CCAR1: variants seen among roughly 807,000 people sequenced by gnomAD.
The protein encoded by CCAR1 is cell division cycle and apoptosis regulator protein 1.
CCAR1 carries 78 observed loss-of-function variants against 163.8 expected under a neutral mutation model. The observed-to-expected ratio is 0.48, with a 90% CI of 0.40 to 0.57. The LOEUF is 0.57. CCAR1 is among the 20% of genes least tolerant of loss of function. The probability of loss-of-function intolerance (pLI) is 0.00; values close to 1 mark genes in which losing one functional copy is unlikely to be tolerated. For missense variants in CCAR1, 1,019 were observed against 1,365.2 expected, an observed-to-expected ratio of 0.75 and a Z score of 4.00; for synonymous variants, 443 against 460.7, an observed-to-expected ratio of 0.96 and a Z score of 0.49.
At chr10:68,738,845 G>A (rs1250849000) in intron 4 of CCAR1, among the ~76,000 whole-genome samples, 1 of 152,106 alleles carries the variant, frequency 6.6e-6, no homozygotes, top group Non-Finnish European at 1.5e-5. Context: ...TCAGGAGTTT[G>A]ATACCAACTT....
At chr10:68,731,591 G>GTTTTTTTTTTTTTTTTTTTTTTTTTTTT (rs67032408) in intron 2 of CCAR1, among the ~76,000 whole-genome samples, 1 of 75,624 alleles carries the variant, frequency 1.3e-5, no homozygotes. Context: ...TCTTGTTTCT[G>GTTTTTTTTTTTTTTTTTTTTTTTTTTTT]TTTTTTTTTT....
chr10:68,782,932 A>G (rs1258161919), intron 19 of CCAR1, among the ~76,000 whole-genome samples: 1 of 151,706 alleles, frequency 6.6e-6, no homozygotes, highest in Non-Finnish European at 1.5e-5. Flanking sequence ...ATGTACAAGG[A>G]GATTAATGTT....
At chr10:68,740,603 G>A (rs1353164910) in intron 4 of CCAR1, 26 bp from the exon 5 acceptor site, 5 of 1,602,166 alleles carry the variant, frequency 3.1e-6, no homozygotes, top group Non-Finnish European at 4.3e-6. Flanking sequence ...ACCCTTTTCT[G>A]TGTGTGTTTA....
intron 4 of CCAR1, among the ~76,000 whole-genome samples, chr10:68,738,672 C>T (rs905083110): frequency 1.3e-5 from 2 of 151,716 alleles, no homozygotes; most frequent in African/African-American, 4.8e-5. Context: ...TTATTTCTTT[C>T]AAGGAGTAGG....
At chr10:68,752,917 T>TAGAG (rs1215409740) in intron 10 of CCAR1, among the ~76,000 whole-genome samples, 1 of 151,796 alleles carries the variant, frequency 6.6e-6, no homozygotes, top group Non-Finnish European at 1.5e-5. Flanking sequence ...GATAGATAGA[T>TAGAG]AGATAGATAG....
At chr10:68,721,660 C>G (rs1346322581) in intron 1 of CCAR1, 1 of 423,460 alleles carries the variant, frequency 2.4e-6, no homozygotes, top group Non-Finnish European at 4.8e-6. Context: ...TAGAGGCTTT[C>G]TCCGTGCGTG....
At chr10:68,735,681 C>A (rs1589156504) in intron 2 of CCAR1, 2 of 152,182 alleles carry the variant, frequency 1.3e-5, no homozygotes, top group African/African-American at 2.4e-5. Context: ...GTTGGAATTA[C>A]AGACATGAGC....
intron 19 of CCAR1, among the ~76,000 whole-genome samples, chr10:68,777,725 A>G (rs2056685593): frequency 6.6e-6 from 1 of 150,786 alleles, no homozygotes; most frequent in African/African-American, 2.4e-5. Context: ...TGAGCTCAGG[A>G]GTTCAAGACC....
chr10:68,779,855 T>C (rs926596994), intron 19 of CCAR1, among the ~76,000 whole-genome samples: 3 of 152,210 alleles, frequency 2.0e-5, no homozygotes, highest in Non-Finnish European at 2.9e-5. Context: ...TGTGCACCCA[T>C]TGAAGAAAAC....
intron 17 of CCAR1, among the ~76,000 whole-genome samples, chr10:68,768,509 G>A (rs1015450698): frequency 6.6e-6 from 1 of 152,162 alleles, no homozygotes; most frequent in Non-Finnish European, 1.5e-5. Context: ...TACTCAGGAC[G>A]CTGAGGCAGG....
In CCAR1 at chr10:68,734,670, C is replaced by T. The variant is rs576657107; in HGVS notation, c.74-2206C>T. ...TCAACTGAATTACTTAACGCAGTTACGTAAAGCGTAAATGCATTTAATTCC... is the reference window on the plus strand; with the variant it reads ...TCAACTGAATTACTTAACGCAGTTATGTAAAGCGTAAATGCATTTAATTCC... On this transcript the variant is annotated intron_variant, in intron 2 of 24. Transcript: ENST00000265872. Among the ~76,000 whole-genome samples, 19 of 152,152 alleles carry T rather than the reference C, an allele frequency of 1.2e-4. No homozygotes were observed. The South Asian group carries it at 2.3e-3, about 18-fold the overall frequency.
Position 68,722,474 on chromosome 10 carries a change from A to C in CCAR1, c.-31A>C. ...TGATAGATCGATGCTATAGAAGACAAACAAGGGAAGGTTTTTTTTCCTTTT... is the reference window on the plus strand; with the variant it reads ...TGATAGATCGATGCTATAGAAGACACACAAGGGAAGGTTTTTTTTCCTTTT... On this transcript the variant is annotated 5_prime_UTR_variant, in exon 2 of 25. Coordinates refer to ENST00000265872, the MANE Select transcript of CCAR1 (RefSeq NM_018237.4). 6.3e-7 allele frequency: 1 copy of C among 1,587,984 alleles called. No homozygotes were observed. Among genetic ancestry groups the C allele is most frequent in the African/African-American group, 1.3e-5 (1 of 74,588 alleles).
intron 19 of CCAR1, among the ~76,000 whole-genome samples, chr10:68,773,509 A>G (rs529479904): frequency 2.3e-4 from 35 of 152,170 alleles, no homozygotes; most frequent in African/African-American, 8.4e-4. Context: ...CTAAAAATAC[A>G]AAAATTAGCC....
intron 19 of CCAR1, among the ~76,000 whole-genome samples, chr10:68,774,049 C>T (rs2056633824): frequency 6.6e-6 from 1 of 152,002 alleles, no homozygotes; most frequent in South Asian, 2.1e-4. Flanking sequence ...TGCACCACCA[C>T]ACCCGGCTAA....
At chr10:68,739,693 T>TA (rs1253804337) in intron 4 of CCAR1, among the ~76,000 whole-genome samples, 8 of 152,318 alleles carry the variant, frequency 5.3e-5, no homozygotes, top group African/African-American at 1.9e-4. Flanking sequence ...TCTTATGAAA[T>TA]ACATTTTTAA....
chr10:68,782,586 G>C (rs1440481638), intron 19 of CCAR1, among the ~76,000 whole-genome samples: 5 of 152,212 alleles, frequency 3.3e-5, no homozygotes, highest in African/African-American at 1.2e-4. Flanking sequence ...AGCATTCAGT[G>C]CCTGGCTTCA....
chr10:68,755,585 T>C (rs1435668431), intron 13 of CCAR1, 49 bp downstream of exon 13: 6 of 1,511,272 alleles, frequency 4.0e-6, no homozygotes, highest in African/African-American at 2.7e-5. Flanking sequence ...TGATAGTTTA[T>C]GTAGTTGTTC....
At chr10:68,773,143 ATTT>A in intron 19 of CCAR1, 44 bp downstream of exon 19, 1 of 1,047,048 alleles carries the variant, frequency 9.6e-7, no homozygotes, top group Non-Finnish European at 1.4e-6. Context: ...TTAAGAATAC[ATTT>A]TTTGTTTGCT....
chr10:68,790,661 T>A (rs1356351476), intron 24 of CCAR1, among the ~76,000 whole-genome samples: 2 of 152,164 alleles, frequency 1.3e-5, no homozygotes, highest in Non-Finnish European at 2.9e-5. Context: ...CCTGATGAGC[T>A]GGGACTACAG....
Sources: allele counts gnomAD v4.1 joint callset (sites outside exome capture counted in the v4.1 genomes callset), GRCh38; gene constraint gnomAD v4.1.1; transcripts MANE v1.5; gene names NCBI Gene and HGNC (gene_info 2026-07-23, HGNC 2026-07-21).